HYCC1: variants seen among roughly 807,000 people sequenced by gnomAD.
The protein encoded by HYCC1 is hyccin.
At chr7:22,978,183 T>A in the HYCC1 span, 1 of 1,247,574 alleles carries the variant, frequency 8.0e-7, no homozygotes, top group Non-Finnish European at 1.2e-6. Flanking sequence ...AAACAAACAC[T>A]AGCTTTATTA....
At chr7:22,991,386 T>C in the HYCC1 span, among the ~76,000 whole-genome samples, 4 of 152,254 alleles carry the variant, frequency 2.6e-5, no homozygotes, top group African/African-American at 4.8e-5. Context: ...TTTTCAGGAA[T>C]GCCAGCTGCA....
chr7:22,964,522 A>C, the HYCC1 span: 1 of 1,585,292 alleles, frequency 6.3e-7, no homozygotes, highest in Non-Finnish European at 8.7e-7. Context: ...GATATCCACA[A>C]ACACAGATTC....
chr7:22,974,892 T>C, the HYCC1 span, among the ~76,000 whole-genome samples: 3 of 152,202 alleles, frequency 2.0e-5, no homozygotes, highest in Admixed American at 6.5e-5. Context: ...GATGGTTTTA[T>C]AAAGGGGAGT....
At chr7:22,937,434 C>T in the HYCC1 span, 1 of 152,120 alleles carries the variant, frequency 6.6e-6, no homozygotes, top group African/African-American at 2.4e-5. Flanking sequence ...CAAACATTAG[C>T]CCAGAAAATT....
At chr7:22,945,815 G>A in the HYCC1 span, 17 of 1,613,634 alleles carry the variant, frequency 1.1e-5, no homozygotes, top group Admixed American at 6.7e-5. Flanking sequence ...AAATACAGTC[G>A]CTGCGGTCTT....
At chr7:22,927,626 C>G in the HYCC1 span, among the ~76,000 whole-genome samples, 1 of 152,150 alleles carries the variant, frequency 6.6e-6, no homozygotes, top group Non-Finnish European at 1.5e-5. Flanking sequence ...TCTCCCAAGA[C>G]TAAACCAGGA....
At chr7:23,009,416 C>T in the HYCC1 span, among the ~76,000 whole-genome samples, 1 of 152,108 alleles carries the variant, frequency 6.6e-6, no homozygotes, top group Admixed American at 6.5e-5. Context: ...AAGAATCATA[C>T]TTTAATTCTT....
At chr7:22,956,761 C>T in the HYCC1 span, among the ~76,000 whole-genome samples, 1 of 151,604 alleles carries the variant, frequency 6.6e-6, no homozygotes, top group African/African-American at 2.4e-5. Flanking sequence ...CCTAAAACTG[C>T]TCTAAAAAAT....
chr7:22,909,748 C>T, the HYCC1 span, among the ~76,000 whole-genome samples: 3 of 152,330 alleles, frequency 2.0e-5, no homozygotes, highest in Middle Eastern at 3.4e-3. Flanking sequence ...ACCCTTCTCT[C>T]CCTTACTCAC....
the HYCC1 span, among the ~76,000 whole-genome samples, chr7:22,993,035 T>C: frequency 2.2e-4 from 33 of 152,118 alleles, no homozygotes; most frequent in East Asian, 1.3e-3. Context: ...GTCAGAAGAA[T>C]AGAAAACAAC....
chr7:22,931,309 C>T, the HYCC1 span, among the ~76,000 whole-genome samples: 3 of 148,804 alleles, frequency 2.0e-5, no homozygotes, highest in Admixed American at 1.3e-4. Context: ...GACACTTCTA[C>T]ACCCTTCAAA....
the HYCC1 span, among the ~76,000 whole-genome samples, chr7:23,002,480 G>A: frequency 1.3e-5 from 2 of 152,158 alleles, no homozygotes; most frequent in South Asian, 2.1e-4. Flanking sequence ...CAAATACCCT[G>A]TAAACACTTT....
the HYCC1 span, among the ~76,000 whole-genome samples, chr7:22,955,084 C>T: frequency 6.6e-6 from 1 of 151,388 alleles, no homozygotes. Flanking sequence ...GTACTATACT[C>T]CAGTATCACA....
chr7:22,933,719 AAT>A, the HYCC1 span, among the ~76,000 whole-genome samples: 3 of 152,198 alleles, frequency 2.0e-5, no homozygotes, highest in Non-Finnish European at 4.4e-5. Flanking sequence ...GAATTTTTAA[AAT>A]AGATTCTGAT....
At chr7:23,004,888 CAGT>C in the HYCC1 span, among the ~76,000 whole-genome samples, 1 of 152,170 alleles carries the variant, frequency 6.6e-6, no homozygotes, top group Non-Finnish European at 1.5e-5. Context: ...TCACTGCAAC[CAGT>C]GCCTCCCGGG....
chr7:22,998,577 A>C, the HYCC1 span, among the ~76,000 whole-genome samples: 2 of 152,200 alleles, frequency 1.3e-5, no homozygotes, highest in African/African-American at 4.8e-5. Context: ...TAAGTAACAT[A>C]CAGCAAGTAT....
the HYCC1 span, among the ~76,000 whole-genome samples, chr7:22,915,477 C>T: frequency 6.6e-6 from 1 of 152,224 alleles, no homozygotes; most frequent in Non-Finnish European, 1.5e-5. Context: ...CAGGACCCCA[C>T]TGGAAATCAG....
chr7:22,974,719 T>A, the HYCC1 span, among the ~76,000 whole-genome samples: 1 of 152,206 alleles, frequency 6.6e-6, no homozygotes, highest in Non-Finnish European at 1.5e-5. Context: ...GATCCCGTCC[T>A]CTGTGATATG....
At chr7:22,907,104 C>CAAAAAAAAAAAAAAAAAA in the HYCC1 span, among the ~76,000 whole-genome samples, 6 of 43,550 alleles carry the variant, frequency 1.4e-4, no homozygotes, top group African/African-American at 4.9e-4. Context: ...GACTCTATCT[C>CAAAAAAAAAAAAAAAAAA]AAAAAAAAAA....
Sources: allele counts gnomAD v4.1 joint callset (sites outside exome capture counted in the v4.1 genomes callset), GRCh38; gene constraint gnomAD v4.1.1; transcripts MANE v1.5; gene names NCBI Gene and HGNC (gene_info 2026-07-23, HGNC 2026-07-21).